PMEPA1: variants seen among roughly 807,000 people sequenced by gnomAD.
PMEPA1 encodes the protein prostate transmembrane protein, androgen induced 1, also known as protein TMEPAI.
A neutral mutation model predicts 23.0 loss-of-function variants in PMEPA1; 11 were observed. The observed-to-expected ratio is 0.48, with a 90% CI of 0.30 to 0.79. PMEPA1 has a LOEUF of 0.79. PMEPA1 is among the 30% of genes least tolerant of loss of function. PMEPA1 has a pLI of 0.06. For synonymous variants in PMEPA1, 204 were observed against 166.4 expected, an observed-to-expected ratio of 1.23 and a Z score of -1.74; for missense variants, 377 against 390.9, an observed-to-expected ratio of 0.96 and a Z score of 0.30.
At position 57,670,372 on chromosome 20, in the gene PMEPA1, C is replaced by T. The variant is rs59010051; in HGVS notation, c.110-10675G>A. 2.0e-3 allele frequency among the ~76,000 whole-genome samples: 309 copies of T among 152,024 alleles called. 1 individual carries two copies. The highest frequency in any genetic ancestry group is 6.9e-3 in the African/African-American group (286 of 41,440). The stretch of plus-strand genomic sequence containing the variant: ...GATGATGGTTCTGAGTGTGCTGTCT[C>T]ACCACCCGGCCTCAAGCCCCAGGAT... On this transcript the variant is annotated intron_variant, in intron 1 of 3. Coordinates refer to ENST00000341744, the MANE Select transcript of PMEPA1 (RefSeq NM_020182.5).
At chr20:57,659,784 A>C in intron 1 of PMEPA1, 87 bp from the exon 2 acceptor site, 3 of 1,269,906 alleles carry the variant, frequency 2.4e-6, no homozygotes, top group Non-Finnish European at 1.1e-6. Context: ...TTTTTCACCC[A>C]CCTAGGGGGA....
At chr20:57,710,321 C>T (rs565030204), upstream of PMEPA1, 2,306 of 866,484 alleles carry the variant, frequency 2.7e-3, 46 homozygotes, top group South Asian at 0.036. Context: ...GTTGCTGGTG[C>T]GCCCTCCCCT....
Position 57,678,301 on chromosome 20 carries a change from C to T in PMEPA1, c.110-18604G>A, listed in dbSNP as rs142608229. 2.0e-3 allele frequency among the ~76,000 whole-genome samples: 300 copies of T among 152,338 alleles called. 1 individual carries two copies. The highest frequency in any genetic ancestry group is 7.0e-3 in the African/African-American group (293 of 41,586). On this transcript the variant is annotated intron_variant, in intron 1 of 3. Transcript: ENST00000341744. The stretch of plus-strand genomic sequence containing the variant: ...ACCATTGGGGGAAGCTGGAGGATAT[C>T]TACATAGAACCTCTCTGTATTATTT...
chr20:57,662,306 T>C lies in PMEPA1; in HGVS notation c.110-2609A>G, dbSNP rs75222022. On this transcript the variant is annotated intron_variant, in intron 1 of 3. Transcript: ENST00000341744. The stretch of plus-strand genomic sequence containing the variant: ...GGTCATGCTGTGGGCTGAGCACACC[T>C]AAGAACGGGCGTTTTTATTATCATC... Among the ~76,000 whole-genome samples the C allele has an allele frequency of 2.8e-4, 43 of 152,322 alleles. No individual in the cohort carries two copies. The East Asian group carries it at 7.1e-3, about 25-fold the overall frequency.
Position 57,709,328 on chromosome 20 carries a change from CGCCCGGGGCGCGGCGGGCGCT to C in PMEPA1, c.109+125_109+145del, listed in dbSNP as rs879216858. The C allele has an allele frequency of 4.0e-4, 164 of 410,092 alleles. No homozygotes were observed. The South Asian group carries it at 8.1e-3, about 20-fold the overall frequency. The allele number at this position is 410,092 out of a possible 1,614,324, so 25.4% of individuals were successfully genotyped here. On this transcript the variant is annotated intron_variant, in intron 1 of 3. Transcript: ENST00000341744. ...CCAGCTGCCGCGAGCCGGGAGGGCG[CGCCCGGGGCGCGGCGGGCGCT>C]GCCCGGGCGCAGGGCGTTCGGTCCG...
chr20:57,688,518 G>A (rs2071832387), intron 1 of PMEPA1, among the ~76,000 whole-genome samples: 1 of 152,180 alleles, frequency 6.6e-6, no homozygotes, highest in Admixed American at 6.5e-5. Flanking sequence ...CAGAGTTAGA[G>A]TATCAGGAAG....
At chr20:57,710,021 C>T, upstream of PMEPA1, 3 of 995,454 alleles carry the variant, frequency 3.0e-6, no homozygotes, top group Non-Finnish European at 3.6e-6. Context: ...CTGACGTCAG[C>T]GCTAGACGGG....
At chr20:57,679,428 C>T (rs1006966665) in intron 1 of PMEPA1, among the ~76,000 whole-genome samples, 1 of 152,194 alleles carries the variant, frequency 6.6e-6, no homozygotes, top group Non-Finnish European at 1.5e-5. Context: ...GAACTTGAAA[C>T]GATTCAGGTA....
At chr20:57,694,513 T>C (rs1321629751) in intron 1 of PMEPA1, among the ~76,000 whole-genome samples, 1 of 152,226 alleles carries the variant, frequency 6.6e-6, no homozygotes, top group Non-Finnish European at 1.5e-5. Context: ...GTGCTACCGT[T>C]TGCTTCGGGT....
chr20:57,662,623 T>C (rs1204634112), intron 1 of PMEPA1, among the ~76,000 whole-genome samples: 1 of 152,168 alleles, frequency 6.6e-6, no homozygotes, highest in Non-Finnish European at 1.5e-5. Context: ...GGCCTGATTC[T>C]GTAGGGCCCA....
chr20:57,660,037 A>G (rs1397274546), intron 1 of PMEPA1, among the ~76,000 whole-genome samples: 1 of 152,178 alleles, frequency 6.6e-6, no homozygotes. Context: ...AGCCTCCTGG[A>G]GCCGTTCTGC....
intron 1 of PMEPA1, among the ~76,000 whole-genome samples, chr20:57,667,099 C>G (rs865933204): frequency 6.6e-6 from 1 of 152,212 alleles, no homozygotes; most frequent in African/African-American, 2.4e-5. Context: ...TGGTGGCTCC[C>G]ACCTCCAGCT....
At chr20:57,705,330 G>T (rs1392447959) in intron 1 of PMEPA1, among the ~76,000 whole-genome samples, 4 of 152,224 alleles carry the variant, frequency 2.6e-5, no homozygotes, top group African/African-American at 4.8e-5. Context: ...TAAGATTCGG[G>T]TCATAGAACT....
At chr20:57,687,028 TTAA>T (rs752268891) in intron 1 of PMEPA1, among the ~76,000 whole-genome samples, 17 of 152,354 alleles carry the variant, frequency 1.1e-4, no homozygotes, top group Non-Finnish European at 1.8e-4. Context: ...ACTCTCATTT[TTAA>T]TAATTGCTTT....
In PMEPA1 at chr20:57,671,735, G is replaced by T. The variant is rs1409269156; in HGVS notation, c.110-12038C>A. Among the ~76,000 whole-genome samples the T allele has an allele frequency of 2.6e-5, 4 of 152,306 alleles. No individual in the cohort carries two copies. The East Asian group carries it at 7.7e-4, about 29-fold the overall frequency. On this transcript the variant is annotated intron_variant, in intron 1 of 3. Transcript: ENST00000341744. The stretch of plus-strand genomic sequence containing the variant: ...CTCTGAGCAGGGGAAACTGAGCTTG[G>T]AGCTGGATCATCTCTATTGTGGGGC...
chr20:57,659,245 C>T (rs1001190395), intron 2 of PMEPA1, among the ~76,000 whole-genome samples: 18 of 152,182 alleles, frequency 1.2e-4, no homozygotes, highest in Admixed American at 7.2e-4. Context: ...AGGCCCTGCA[C>T]AGAGCCTGCG....
intron 1 of PMEPA1, among the ~76,000 whole-genome samples, chr20:57,661,137 G>T (rs1002054517): frequency 1.3e-5 from 2 of 152,176 alleles, no homozygotes; most frequent in Non-Finnish European, 2.9e-5. Flanking sequence ...GGGTTTTTTT[G>T]TTTTTTCTTT....
In PMEPA1 at chr20:57,656,575, G is replaced by A. The variant is rs2071329842; in HGVS notation, c.264+2968C>T. On this transcript the variant is annotated intron_variant, in intron 2 of 3. Coordinates refer to ENST00000341744, the MANE Select transcript of PMEPA1 (RefSeq NM_020182.5). The surrounding 1 kb of genome is among the most constrained non-coding windows in gnomAD (Gnocchi z 4.7). The stretch of plus-strand genomic sequence containing the variant: ...GCATCATGTCCCGAATACCCTCGGA[G>A]CAGCGCCAGGGTGGAAGTGCCATCC... Among the ~76,000 whole-genome samples the A allele has an allele frequency of 6.6e-6, 1 of 152,176 alleles. No individual in the cohort carries two copies. The highest frequency in any genetic ancestry group is 1.5e-5 in the Non-Finnish European group (1 of 68,034).
chr20:57,683,854 C>CA lies in PMEPA1; in HGVS notation c.110-24158dup, dbSNP rs1006817291. On this transcript the variant is annotated intron_variant, in intron 1 of 3. Coordinates refer to ENST00000341744, the MANE Select transcript of PMEPA1 (RefSeq NM_020182.5). The surrounding 1 kb of genome is among the most constrained non-coding windows in gnomAD (Gnocchi z 4.3). ...GTCCAGCCACCTGCACAAAGTCCAT[C>CA]ATAAACCCATGCGGGGCACAATGGG... 2.6e-5 allele frequency among the ~76,000 whole-genome samples: 4 copies of CA among 152,014 alleles called. No homozygotes were observed. The highest frequency in any genetic ancestry group is 7.3e-5 in the African/African-American group (3 of 41,366).
Sources: gnomAD v4.1 joint callset for allele counts (sites outside exome capture counted in the v4.1 genomes callset) on GRCh38, gnomAD v4.1.1 for gene constraint, Gnocchi (gnomAD v3.1) non-coding constraint, MANE v1.5 for transcripts, NCBI Gene and HGNC (gene_info 2026-07-23, HGNC 2026-07-21) for gene names.